Variants in PAPPA observed in about 807,000 individuals in gnomAD.
PAPPA encodes the protein pappalysin 1, also known as pappalysin-1.
PAPPA carries 60 observed loss-of-function variants against 164.0 expected under a neutral mutation model. The ratio of observed to expected loss-of-function variants is 0.37; its 90% CI spans 0.30 to 0.45. The LOEUF (loss-of-function observed/expected upper bound fraction) is 0.45. PAPPA is among the 20% of genes least tolerant of loss of function. The probability of loss-of-function intolerance (pLI) is 1.00; values close to 1 mark genes in which losing one functional copy is unlikely to be tolerated. For missense variants in PAPPA, 1,782 were observed against 2,087.3 expected (o/e 0.85, Z 2.85); for synonymous variants, 875 against 814.1 (o/e 1.07, Z -1.27).
intron 4 of PAPPA, among the ~76,000 whole-genome samples, chr9:116,219,194 C>T (rs1052873941): frequency 2.0e-5 from 3 of 152,240 alleles, no homozygotes; most frequent in Non-Finnish European, 4.4e-5. Context: ...TGTCCCTGCA[C>T]CCACCCATGC....
intron 1 of PAPPA, among the ~76,000 whole-genome samples, chr9:116,173,555 C>G (rs1843797876): frequency 6.6e-6 from 1 of 152,186 alleles, no homozygotes; most frequent in African/African-American, 2.4e-5. Context: ...CATTCACAAC[C>G]CTTTGTGATC....
At chr9:116,349,761 G>A (rs1020684907) in intron 15 of PAPPA, among the ~76,000 whole-genome samples, 3 of 152,120 alleles carry the variant, frequency 2.0e-5, no homozygotes, top group Non-Finnish European at 2.9e-5. Context: ...GAACTTACAG[G>A]GTCCCAAAAC....
chr9:116,362,752 C>A lies in PAPPA; in HGVS notation c.4495+13C>A. 1 of 1,608,462 alleles carries A rather than the reference C, an allele frequency of 6.2e-7. No homozygotes were observed. The highest frequency in any genetic ancestry group is 8.5e-7 in the Non-Finnish European group (1 of 1,177,084). The stretch of plus-strand genomic sequence containing the variant: ...GGCTATGCCATAGGTATGATGGGCC[C>A]GAGAGGGGAGCAGTAGGAGGGGCAA... On this transcript the variant is annotated intron_variant, in intron 18 of 21. Coordinates refer to ENST00000328252, the MANE Select transcript of PAPPA (RefSeq NM_002581.5).
At chr9:116,377,704 T>G in intron 20 of PAPPA, 57 bp downstream of exon 20, 3 of 1,255,278 alleles carry the variant, frequency 2.4e-6, no homozygotes, top group Non-Finnish European at 2.3e-6. Context: ...CTGTTGTTAT[T>G]GTTATTGTTA....
chr9:116,394,572 C>A lies in PAPPA; in HGVS notation c.4777-1937C>A, dbSNP rs866187402. On this transcript the variant is annotated intron_variant, in intron 21 of 21. Transcript: ENST00000328252. Reference sequence around the variant, plus strand: ...TTCCCTGTTTGGACTGGGGGGTTTTCTCTCTATGCCACTTCCAGTTCTAAT... The same window carrying A: ...TTCCCTGTTTGGACTGGGGGGTTTTATCTCTATGCCACTTCCAGTTCTAAT... Among the ~76,000 whole-genome samples the A allele has an allele frequency of 1.4e-3, 219 of 152,304 alleles. 1 individual carries two copies. The highest frequency in any genetic ancestry group is 4.9e-3 in the African/African-American group (205 of 41,564).
intron 5 of PAPPA, among the ~76,000 whole-genome samples, chr9:116,222,199 CTAA>C (rs1477931073): frequency 1.3e-5 from 2 of 152,118 alleles, no homozygotes; most frequent in Admixed American, 1.3e-4. Context: ...TTCACAATAG[CTAA>C]AATATAGAAG....
At chr9:116,362,491 C>T (rs750852867) in intron 17 of PAPPA, 101 bp from the exon 18 acceptor site, 9 of 1,295,136 alleles carry the variant, frequency 6.9e-6, no homozygotes, top group Non-Finnish European at 8.6e-6. Flanking sequence ...CACTTCAGAG[C>T]TCTGGAGAGA....
intron 15 of PAPPA, among the ~76,000 whole-genome samples, chr9:116,348,487 G>A (rs1305622668): frequency 2.6e-5 from 4 of 151,774 alleles, no homozygotes; most frequent in Admixed American, 2.6e-4. Flanking sequence ...AAGGACAACA[G>A]TTTTTTTAAA....
intron 21 of PAPPA, among the ~76,000 whole-genome samples, chr9:116,391,860 G>A (rs936383886): frequency 6.6e-6 from 1 of 152,200 alleles, no homozygotes; most frequent in African/African-American, 2.4e-5. Flanking sequence ...GGCCGCCTGG[G>A]GGAGAAGGTG....
chr9:116,337,296 G>T (rs947694509), intron 13 of PAPPA, among the ~76,000 whole-genome samples: 1 of 152,186 alleles, frequency 6.6e-6, no homozygotes, highest in Non-Finnish European at 1.5e-5. Flanking sequence ...CAGGGCAGGA[G>T]CACCTCCTCC....
intron 1 of PAPPA, among the ~76,000 whole-genome samples, chr9:116,185,806 G>A (rs1184097013): frequency 6.6e-6 from 1 of 152,172 alleles, no homozygotes; most frequent in Admixed American, 6.5e-5. Context: ...AGTAACTATA[G>A]AGATGCTTGG....
At chr9:116,259,935 G>T (rs948739003) in intron 7 of PAPPA, among the ~76,000 whole-genome samples, 21 of 152,068 alleles carry the variant, frequency 1.4e-4, no homozygotes, top group Non-Finnish European at 1.5e-5. Flanking sequence ...ATCAAGAAAA[G>T]AATGGCCAAA....
chr9:116,383,553 G>T (rs984997987), intron 21 of PAPPA, among the ~76,000 whole-genome samples: 17 of 152,120 alleles, frequency 1.1e-4, no homozygotes, highest in Non-Finnish European at 2.2e-4. Flanking sequence ...TGAGGTTCCT[G>T]GATTCCAATC....
Position 116,216,728 on chromosome 9 carries a change from C to T in PAPPA, c.1919-3209C>T, listed in dbSNP as rs146398718. On this transcript the variant is annotated intron_variant, in intron 4 of 21. Transcript: ENST00000328252. Reference sequence around the variant, plus strand: ...AAGTAATGTACCTTGGGATAGATTTCGACTTCAGCTTTTTTTTTATTTTTA... The same window carrying T: ...AAGTAATGTACCTTGGGATAGATTTTGACTTCAGCTTTTTTTTTATTTTTA... 3.2e-3 allele frequency among the ~76,000 whole-genome samples: 479 copies of T among 151,732 alleles called. 1 individual carries two copies. Among genetic ancestry groups the T allele is most frequent in the Non-Finnish European group, 5.1e-3 (348 of 67,882 alleles).
chr9:116,224,758 C>T (rs990270904), intron 5 of PAPPA, among the ~76,000 whole-genome samples: 7 of 152,172 alleles, frequency 4.6e-5, no homozygotes, highest in African/African-American at 1.7e-4. Flanking sequence ...TAAATAGCCA[C>T]ATATGGCTAA....
intron 2 of PAPPA, among the ~76,000 whole-genome samples, chr9:116,189,248 C>T (rs7042210): frequency 0.22 from 33,552 of 152,100 alleles, 3,869 homozygotes; most frequent in Non-Finnish European, 0.25. Flanking sequence ...ATTTGGGATT[C>T]ATGCTAAATA....
chr9:116,345,449 A>AC (rs1846195203), intron 14 of PAPPA, among the ~76,000 whole-genome samples: 3 of 151,996 alleles, frequency 2.0e-5, no homozygotes, highest in Non-Finnish European at 2.9e-5. Context: ...AAAAAAAAAA[A>AC]AAAACATGCC....
intron 7 of PAPPA, among the ~76,000 whole-genome samples, chr9:116,259,392 A>G (rs1175205201): frequency 6.6e-6 from 1 of 152,078 alleles, no homozygotes; most frequent in East Asian, 1.9e-4. Context: ...TGGTATTTAC[A>G]ATGGCTTTAA....
At chr9:116,239,021 G>GA (rs1326763019) in intron 7 of PAPPA, among the ~76,000 whole-genome samples, 2 of 152,036 alleles carry the variant, frequency 1.3e-5, no homozygotes, top group East Asian at 3.9e-4. Context: ...AGAGGAGAGG[G>GA]AAAAAATGCT....
Sources: gnomAD v4.1 joint callset for allele counts (sites outside exome capture counted in the v4.1 genomes callset) on GRCh38, gnomAD v4.1.1 for gene constraint, MANE v1.5 for transcripts, NCBI Gene and HGNC (gene_info 2026-07-23, HGNC 2026-07-21) for gene names.